The following ARID3A variants were observed in gnomAD, a reference collection of about 807,000 sequenced individuals.
The protein encoded by ARID3A is AT-rich interaction domain 3A, also known as AT-rich interactive domain-containing protein 3A.
Under a neutral mutation model 52.7 loss-of-function variants are expected in ARID3A, and 11 were observed. That is an observed-to-expected ratio of 0.21 (90% CI 0.13 to 0.35). The LOEUF (loss-of-function observed/expected upper bound fraction) is 0.35. Among genes scored for constraint, ARID3A ranks in the 10% least tolerant of loss-of-function variants. ARID3A has a pLI of 1.00. For synonymous variants in ARID3A, 404 were observed against 359.4 expected, an observed-to-expected ratio of 1.12 and a Z score of -1.40; for missense variants, 721 against 838.5, an observed-to-expected ratio of 0.86 and a Z score of 1.73.
At chr19:934,761 G>A (rs1052539313) in intron 3 of ARID3A, among the ~76,000 whole-genome samples, 10 of 152,090 alleles carry the variant, frequency 6.6e-5, no homozygotes, top group Admixed American at 1.3e-4. Flanking sequence ...GGAGGCCCCC[G>A]CCCTGCAGTC....
chr19:971,303 A>G (rs1484557493), intron 8 of ARID3A, among the ~76,000 whole-genome samples: 3 of 152,172 alleles, frequency 2.0e-5, no homozygotes, highest in Non-Finnish European at 4.4e-5. Flanking sequence ...GCCCATCTCT[A>G]CAAAAAATAA....
intron 3 of ARID3A, among the ~76,000 whole-genome samples, chr19:953,583 G>T (rs1009002789): frequency 2.6e-5 from 4 of 152,140 alleles, no homozygotes; most frequent in African/African-American, 4.8e-5. Flanking sequence ...AACGGGGCTC[G>T]GGCGTGCAAC....
At chr19:951,501 T>G (rs1337265873) in intron 3 of ARID3A, among the ~76,000 whole-genome samples, 1 of 151,892 alleles carries the variant, frequency 6.6e-6, no homozygotes, top group Admixed American at 6.6e-5. Context: ...CAGTGAGCTA[T>G]GACTGCATCA....
intron 3 of ARID3A, among the ~76,000 whole-genome samples, chr19:937,855 T>C (rs1300225863): frequency 6.6e-6 from 1 of 151,820 alleles, no homozygotes; most frequent in Non-Finnish European, 1.5e-5. Context: ...TACAGGCACC[T>C]GCCACCACGC....
chr19:927,802 C>T (rs2037232923), intron 1 of ARID3A, among the ~76,000 whole-genome samples: 1 of 152,108 alleles, frequency 6.6e-6, no homozygotes. Context: ...GCCCTGAGGT[C>T]TTTGTGACCT....
intron 3 of ARID3A, among the ~76,000 whole-genome samples, chr19:946,631 G>C (rs976864982): frequency 1.3e-5 from 2 of 151,920 alleles, no homozygotes; most frequent in African/African-American, 4.8e-5. Flanking sequence ...AGTAGAGATG[G>C]GGTTTCACCA....
chr19:929,362 G>GGCCCCC lies in ARID3A; in HGVS notation c.-154_-149dup, dbSNP rs1048818924. 3.0e-6 allele frequency: 1 copy of GGCCCCC among 336,284 alleles called. No individual in the cohort carries two copies. The highest frequency in any genetic ancestry group is 4.6e-6 in the Non-Finnish European group (1 of 216,888). The allele number at this position is 336,284 out of a possible 1,614,324, so 20.8% of individuals were successfully genotyped here. ...CATCAGCCTTCAGCTTGAGCCCGGCGGCCCCCGCCCCCGCCCCCTGCCACC... is the reference window on the plus strand; with the variant it reads ...CATCAGCCTTCAGCTTGAGCCCGGCGGCCCCCGCCCCCGCCCCCGCCCCCTGCCACC... On this transcript the variant is annotated 5_prime_UTR_variant, in exon 2 of 9. Coordinates refer to ENST00000263620, the MANE Select transcript of ARID3A (RefSeq NM_005224.3). The surrounding 1 kb of genome is among the most constrained non-coding windows in gnomAD (Gnocchi z 6.2).
chr19:959,007 G>C lies in ARID3A; in HGVS notation c.694-1085G>C, dbSNP rs927194083. Among the ~76,000 whole-genome samples the C allele has an allele frequency of 1.3e-5, 2 of 152,212 alleles. No homozygotes were observed. The highest frequency in any genetic ancestry group is 4.8e-5 in the African/African-American group (2 of 41,450). On this transcript the variant is annotated intron_variant, in intron 3 of 8. Transcript: ENST00000263620. The surrounding 1 kb of genome is among the most constrained non-coding windows in gnomAD (Gnocchi z 5.0). ...CGGGACCCAGGACAGCCACAGATTT[G>C]TAGCCCAGGAGCGCTGGCTGGGCTG...
Position 928,007 on chromosome 19 carries a change from G to A in ARID3A, c.-267-1255G>A, listed in dbSNP as rs571528710. On this transcript the variant is annotated intron_variant, in intron 1 of 8. Coordinates refer to ENST00000263620, the MANE Select transcript of ARID3A (RefSeq NM_005224.3). The stretch of plus-strand genomic sequence containing the variant: ...TTGTCCGGTGACTGGGGAGGCTTGG[G>A]GGTGTCTGCTGTGCAACACTGACCT... Among the ~76,000 whole-genome samples the A allele has an allele frequency of 2.0e-5, 3 of 152,216 alleles. No homozygotes were observed. The East Asian group carries it at 5.8e-4, about 29-fold the overall frequency.
chr19:929,540 G>A lies in ARID3A; in HGVS notation c.12G>A (p.Gln4=). MKL[Q]AVMETLLQRQ... is the part of the protein sequence containing the mutation. ...CGGGCCGCAGGGCCATGAAACTACA[G>A]GCCGTGATGGAGACGCTGTTGCAGC... Residue 4 remains glutamine, a synonymous_variant, in exon 2 of 9, where the codon CAG becomes CAA. Transcript: ENST00000263620. This position sits in a 1 kb window ranked among gnomAD's most constrained non-coding sequence, Gnocchi z 6.2. 1 of 1,507,046 alleles carries A rather than the reference G, an allele frequency of 6.6e-7. No homozygotes were observed. The allele number at this position is 1,507,046 out of a possible 1,614,324, so 93.4% of individuals were successfully genotyped here.
chr19:970,489 A>G (rs2038253204), intron 8 of ARID3A, among the ~76,000 whole-genome samples: 1 of 148,716 alleles, frequency 6.7e-6, no homozygotes, highest in South Asian at 2.1e-4. Flanking sequence ...AAGTAAATGA[A>G]TAGTTTTTCT....
intron 1 of ARID3A, among the ~76,000 whole-genome samples, chr19:927,984 G>A (rs922146697): frequency 1.3e-5 from 2 of 152,266 alleles, no homozygotes; most frequent in East Asian, 1.9e-4. Context: ...GGACTCTCTT[G>A]TCCGGTGACT....
At chr19:950,688 C>G (rs1232103165) in intron 3 of ARID3A, among the ~76,000 whole-genome samples, 1 of 152,282 alleles carries the variant, frequency 6.6e-6, no homozygotes, top group East Asian at 1.9e-4. Flanking sequence ...GCCCCTTGGT[C>G]CCTCCGACCT....
chr19:944,965 C>T lies in ARID3A; in HGVS notation c.693+12223C>T, dbSNP rs1393552635. Among the ~76,000 whole-genome samples the T allele has an allele frequency of 2.6e-5, 4 of 152,190 alleles. No individual in the cohort carries two copies. The highest frequency in any genetic ancestry group is 5.9e-5 in the Non-Finnish European group (4 of 68,034). On this transcript the variant is annotated intron_variant, in intron 3 of 8. Coordinates refer to ENST00000263620, the MANE Select transcript of ARID3A (RefSeq NM_005224.3). This position sits in a 1 kb window ranked among gnomAD's most constrained non-coding sequence, Gnocchi z 5.9. The stretch of plus-strand genomic sequence containing the variant: ...ACCCGCCCCGTCCCTTCCACCACGT[C>T]GCCCTGTAATTCTTCCCTGACGGCC...
intron 3 of ARID3A, among the ~76,000 whole-genome samples, chr19:939,807 C>T (rs538953658): frequency 6.6e-6 from 1 of 152,124 alleles, no homozygotes; most frequent in Non-Finnish European, 1.5e-5. Flanking sequence ...TAACGAACAT[C>T]TTCGGGGCGT....
chr19:965,149 G>A, intron 6 of ARID3A, 69 bp downstream of exon 6: 1 of 1,487,258 alleles, frequency 6.7e-7, no homozygotes, highest in Non-Finnish European at 9.0e-7. Context: ...GACCTTGGGG[G>A]ATACCTCTTC....
At position 959,532 on chromosome 19, in the gene ARID3A, A is replaced by G. The variant is rs2037995393; in HGVS notation, c.694-560A>G. 1.3e-5 allele frequency among the ~76,000 whole-genome samples: 2 copies of G among 152,064 alleles called. No homozygotes were observed. Among genetic ancestry groups the G allele is most frequent in the Admixed American group, 6.6e-5 (1 of 15,258 alleles). On this transcript the variant is annotated intron_variant, in intron 3 of 8. Transcript: ENST00000263620. The surrounding 1 kb of genome is among the most constrained non-coding windows in gnomAD (Gnocchi z 5.0). ...GCTCAAGCGATTCACCCGCCTCCCA[A>G]GGTGCTGGGATTACAGGTGTGAGCC... is the stretch of plus-strand genomic sequence containing the variant.
Position 932,990 on chromosome 19 carries a change from G to A in ARID3A, c.693+248G>A, listed in dbSNP as rs117040437. Among the ~76,000 whole-genome samples, 423 of 152,316 alleles carry A rather than the reference G, an allele frequency of 2.8e-3. 8 individuals carry two copies. In the East Asian group the frequency reaches 0.055, roughly 20 times the overall value. On this transcript the variant is annotated intron_variant, in intron 3 of 8. Transcript: ENST00000263620. ...GTAGGAGAAACCTGGGGGGCTCCAC[G>A]GCCCCCATATCGGAGGTGATGGGGC...
intron 8 of ARID3A, among the ~76,000 whole-genome samples, chr19:970,376 G>A (rs923851097): frequency 5.9e-5 from 9 of 152,222 alleles, no homozygotes; most frequent in Admixed American, 5.9e-4. Flanking sequence ...GCCAGGGGCA[G>A]TGGCCCACGC....
Sources: allele counts gnomAD v4.1 joint callset (sites outside exome capture counted in the v4.1 genomes callset), GRCh38; gene constraint gnomAD v4.1.1; non-coding constraint Gnocchi (gnomAD v3.1); transcripts MANE v1.5; gene names NCBI Gene and HGNC (gene_info 2026-07-23, HGNC 2026-07-21).